Variants in NID1 observed in about 807,000 individuals in gnomAD.
The protein encoded by NID1 is nidogen 1, also known as nidogen-1.
Under a neutral mutation model 130.6 loss-of-function variants are expected in NID1, and 76 were observed. The ratio of observed to expected loss-of-function variants is 0.58; its 90% CI spans 0.48 to 0.70. The LOEUF is 0.70. NID1 is among the 30% of genes least tolerant of loss of function. The pLI, the probability that NID1 is intolerant of heterozygous loss-of-function variation, is 0.00. For synonymous variants in NID1, 665 were observed against 675.1 expected (o/e 0.98, Z 0.23); for missense variants, 1,517 against 1,664.8 (o/e 0.91, Z 1.54).
chr1:236,063,146 T>A (rs1368001154), intron 1 of NID1, among the ~76,000 whole-genome samples: 3 of 110,870 alleles, frequency 2.7e-5, no homozygotes, highest in Non-Finnish European at 5.1e-5. Flanking sequence ...AGAGTGAGAC[T>A]TCATCTCAAA....
chr1:236,001,535 A>C (rs1243517001), intron 12 of NID1, among the ~76,000 whole-genome samples: 2 of 152,230 alleles, frequency 1.3e-5, no homozygotes, highest in Non-Finnish European at 2.9e-5. Context: ...TCCATCTGAC[A>C]TGGTCTTCAT....
In NID1 at chr1:235,979,717, G is replaced by A; in HGVS notation, c.3509+105C>T. ...CATCTCTAGAGGGGGCATTTCTGGA[G>A]GCTCAAAAGTCAAGCCAAGAGGCCA... On this transcript the variant is annotated intron_variant, in intron 18 of 19. Coordinates refer to ENST00000264187, the MANE Select transcript of NID1 (RefSeq NM_002508.3). This position sits in a 1 kb window ranked among gnomAD's most constrained non-coding sequence, Gnocchi z 4.6. The A allele has an allele frequency of 7.5e-7, 1 of 1,328,590 alleles. No homozygotes were observed. The highest frequency in any genetic ancestry group is 1.1e-6 in the Non-Finnish European group (1 of 941,968). The allele number at this position is 1,328,590 out of a possible 1,614,324, so 82.3% of individuals were successfully genotyped here. A position where few individuals can be genotyped will look rare whatever the true frequency, so the allele number is the denominator to read the frequency against.
chr1:236,042,322 A>T, intron 3 of NID1, 30 bp from the exon 4 acceptor site: 1 of 1,583,524 alleles, frequency 6.3e-7, no homozygotes, highest in Non-Finnish European at 8.5e-7. Context: ...TCTTAGAAAC[A>T]GGCCAGCAAC....
chr1:236,033,211 G>A (rs1001301112), intron 5 of NID1, among the ~76,000 whole-genome samples: 5 of 152,212 alleles, frequency 3.3e-5, no homozygotes, highest in Admixed American at 1.3e-4. Flanking sequence ...AGGAGGCTGA[G>A]GTGGGATAAT....
intron 3 of NID1, among the ~76,000 whole-genome samples, chr1:236,045,206 CA>C (rs201261106): frequency 3.0e-3 from 267 of 89,698 alleles, no homozygotes; most frequent in Middle Eastern, 0.02. Flanking sequence ...GGCTCTGTCT[CA>C]AAAAAAAAAA....
At chr1:236,026,736 T>C (rs1466146986) in intron 7 of NID1, among the ~76,000 whole-genome samples, 5 of 146,648 alleles carry the variant, frequency 3.4e-5, no homozygotes, top group Non-Finnish European at 1.5e-5. Context: ...TGATTTCTTT[T>C]TCATTTTTTT....
At chr1:235,983,265 C>T (rs1440234546) in intron 15 of NID1, among the ~76,000 whole-genome samples, 2 of 152,224 alleles carry the variant, frequency 1.3e-5, no homozygotes, top group East Asian at 3.8e-4. Flanking sequence ...ATGATGGTGA[C>T]CTTGGATGCT....
At chr1:236,020,496 G>A (rs1344580172) in intron 9 of NID1, among the ~76,000 whole-genome samples, 1 of 152,156 alleles carries the variant, frequency 6.6e-6, no homozygotes, top group East Asian at 1.9e-4. Flanking sequence ...GAAACAGCGG[G>A]AGCCATCCTG....
chr1:236,026,221 G>T, intron 7 of NID1, 80 bp from the exon 8 acceptor site: 3 of 1,555,838 alleles, frequency 1.9e-6, no homozygotes, highest in Non-Finnish European at 2.6e-6. Flanking sequence ...CTGAATCAAC[G>T]GCTTTCAAGG....
chr1:236,029,004 C>T (rs986716894), intron 7 of NID1, among the ~76,000 whole-genome samples: 1 of 151,844 alleles, frequency 6.6e-6, no homozygotes, highest in Non-Finnish European at 1.5e-5. Context: ...TAATGAAAGC[C>T]CATCTCTACT....
chr1:235,997,320 T>A (rs1486344944), intron 12 of NID1, among the ~76,000 whole-genome samples: 1 of 152,206 alleles, frequency 6.6e-6, no homozygotes, highest in Non-Finnish European at 1.5e-5. Flanking sequence ...CCTCAATGAA[T>A]GAGTGTGGCT....
At chr1:236,057,848 TA>T (rs1438085495) in intron 1 of NID1, among the ~76,000 whole-genome samples, 1 of 152,220 alleles carries the variant, frequency 6.6e-6, no homozygotes, top group Non-Finnish European at 1.5e-5. Flanking sequence ...GGCAAAGTCT[TA>T]TTTTCCCTTG....
intron 5 of NID1, among the ~76,000 whole-genome samples, chr1:236,034,435 A>AG (rs1553347841): frequency 1.3e-5 from 2 of 151,626 alleles, no homozygotes; most frequent in African/African-American, 4.8e-5. Context: ...AAAAAAAAAA[A>AG]AAAGAAAGAA....
At chr1:236,033,133 C>A (rs571968476) in intron 5 of NID1, among the ~76,000 whole-genome samples, 4 of 152,252 alleles carry the variant, frequency 2.6e-5, no homozygotes, top group African/African-American at 9.6e-5. Context: ...TACGGCGAAA[C>A]CCTGTCTCTA....
intron 14 of NID1, among the ~76,000 whole-genome samples, chr1:235,986,720 C>T (rs998256889): frequency 2.6e-5 from 4 of 152,192 alleles, no homozygotes; most frequent in African/African-American, 9.6e-5. Flanking sequence ...CCTGGGCCTC[C>T]CAAAGTCCTG....
In NID1 at chr1:236,049,894, C is replaced by T. The variant is rs150450735; in HGVS notation, c.226-905G>A. Among the ~76,000 whole-genome samples, 605 of 151,868 alleles carry T rather than the reference C, an allele frequency of 4.0e-3. 5 individuals are homozygous for T. The highest frequency in any genetic ancestry group is 0.013 in the African/African-American group (553 of 41,422). On this transcript the variant is annotated intron_variant, in intron 1 of 19. Transcript: ENST00000264187. ...CTCTACTAAAAATTCAAAAATTAGC[C>T]GGGCGTGATGGCGGGCACCAAATCC...
rs1558428697 is a variant in NID1 at position 236,003,159 on chromosome 1, CTGG to C, written c.2527+8759_2527+8761del. On this transcript the variant is annotated intron_variant, in intron 12 of 19. Coordinates refer to ENST00000264187, the MANE Select transcript of NID1 (RefSeq NM_002508.3). ...GGTAGTTGTCACTCCTAGTGAACGA[CTGG>C]TAGTTGTCACTCCTAGTGAACGACT... Among the ~76,000 whole-genome samples the C allele has an allele frequency of 4.3e-3, 403 of 92,850 alleles. 60 individuals are homozygous for C. The highest frequency in any genetic ancestry group is 9.9e-3 in the Middle Eastern group (2 of 202). 60.9% of individuals were successfully genotyped at this position (92,850 alleles called of 152,430 possible). A position where few individuals can be genotyped will look rare whatever the true frequency, so the allele number is the denominator to read the frequency against.
intron 1 of NID1, among the ~76,000 whole-genome samples, chr1:236,063,379 G>C (rs1324710993): frequency 2.7e-5 from 4 of 149,348 alleles, no homozygotes; most frequent in Non-Finnish European, 5.9e-5. Flanking sequence ...GGCTGAGGCA[G>C]GAGAATCATT....
chr1:236,052,819 G>A (rs1325629533), intron 1 of NID1, among the ~76,000 whole-genome samples: 1 of 152,218 alleles, frequency 6.6e-6, no homozygotes. Context: ...TGTCCAGGGT[G>A]GCTCCTGCCT....
Sources: allele counts gnomAD v4.1 joint callset (sites outside exome capture counted in the v4.1 genomes callset), GRCh38; gene constraint gnomAD v4.1.1; non-coding constraint Gnocchi (gnomAD v3.1); transcripts MANE v1.5; gene names NCBI Gene and HGNC (gene_info 2026-07-23, HGNC 2026-07-21).